Variants in TMEM17 observed in about 807,000 individuals in gnomAD.
The protein encoded by TMEM17 is transmembrane protein 17.
A neutral mutation model predicts 19.1 loss-of-function variants in TMEM17; 15 were observed. The observed-to-expected ratio is 0.78, with a 90% CI of 0.52 to 1.21. The LOEUF (loss-of-function observed/expected upper bound fraction) is 1.21. Ranked by LOEUF, TMEM17 falls within the 50% of genes most tolerant of loss-of-function variation. The pLI, the probability that TMEM17 is intolerant of heterozygous loss-of-function variation, is 0.00. For synonymous variants in TMEM17, 103 were observed against 86.9 expected (o/e 1.19, Z -1.03); for missense variants, 245 against 242.3 (o/e 1.01, Z -0.07).
chr2:62,505,990 C>T, intron 1 of TMEM17, 40 bp downstream of exon 1: 4 of 1,550,004 alleles, frequency 2.6e-6, no homozygotes, highest in East Asian at 4.8e-5. Flanking sequence ...GCCAAGCCCT[C>T]GGCAGGCCAC....
chr2:62,502,691 C>T lies in TMEM17; in HGVS notation c.204G>A (p.Lys68=), dbSNP rs1314372174. The part of the protein sequence containing the change: ...WVSSIMMLHM[K]YSILPDYYKF... ...CAAAAGTATTAAAGCTTAGATTTAC[C>T]TTCATGTGAAGCATCATAATGCTGC... The change falls in exon 2 of 4, where the codon AAG becomes AAA. Residue 68 remains lysine (K), a splice_region_variant and synonymous_variant. Coordinates refer to ENST00000335390, the MANE Select transcript of TMEM17 (RefSeq NM_198276.3). 2 of 1,590,118 alleles carry T rather than the reference C, an allele frequency of 1.3e-6. No homozygotes were observed. Among genetic ancestry groups the T allele is most frequent in the Non-Finnish European group, 1.7e-6 (2 of 1,171,062 alleles).
the TMEM17 span, among the ~76,000 whole-genome samples, chr2:62,457,392 G>T: frequency 6.6e-6 from 1 of 152,168 alleles, no homozygotes; most frequent in East Asian, 1.9e-4. The surrounding 1 kb of genome is among the most constrained non-coding windows in gnomAD (Gnocchi z 4.2). Context: ...CCTGGAGGAA[G>T]GGCTGGGTGC....
At chr2:62,505,937 G>A (rs1446874718) in intron 1 of TMEM17, 93 bp downstream of exon 1, 15 of 1,195,798 alleles carry the variant, frequency 1.3e-5, no homozygotes, top group East Asian at 2.8e-5. Flanking sequence ...AGGCGACATC[G>A]CCATTTTAGG....
the TMEM17 span, among the ~76,000 whole-genome samples, chr2:62,494,715 C>T: frequency 6.6e-6 from 1 of 152,118 alleles, no homozygotes; most frequent in Admixed American, 6.5e-5. Flanking sequence ...TAAAAGTCTA[C>T]ATTTTTGGCC....
At chr2:62,488,110 A>C in the TMEM17 span, among the ~76,000 whole-genome samples, 15 of 152,136 alleles carry the variant, frequency 9.9e-5, no homozygotes, top group African/African-American at 3.4e-4. Flanking sequence ...GGATGTGGGG[A>C]AAGTATGACT....
At chr2:62,470,067 GCTCCTTCCTTCAGGTCTTGGA>G in the TMEM17 span, among the ~76,000 whole-genome samples, 1 of 152,190 alleles carries the variant, frequency 6.6e-6, no homozygotes, top group Non-Finnish European at 1.5e-5. Context: ...CCAGCAAGCT[GCTCCTTCCTTCAGGTCTTGGA>G]GCTCTAAGAA....
chr2:62,501,047 TA>T lies in TMEM17; in HGVS notation c.*161del. 1 of 735,624 alleles carries T rather than the reference TA, an allele frequency of 1.4e-6. No individual in the cohort carries two copies. Among genetic ancestry groups the T allele is most frequent in the South Asian group, 2.1e-5 (1 of 46,970 alleles). 45.6% of individuals were successfully genotyped at this position (735,624 alleles called of 1,614,324 possible). A position where few individuals can be genotyped will look rare whatever the true frequency, so the allele number is the denominator to read the frequency against. On this transcript the variant is annotated 3_prime_UTR_variant, in exon 4 of 4. Coordinates refer to ENST00000335390, the MANE Select transcript of TMEM17 (RefSeq NM_198276.3). ...TTTAGGGTTAATATACTGTTTCATA[TA>T]CTGTACAAAGTTTCATCATTGCCCC...
chr2:62,501,086 T>A lies in TMEM17; in HGVS notation c.*123A>T. On this transcript the variant is annotated 3_prime_UTR_variant, in exon 4 of 4. Coordinates refer to ENST00000335390, the MANE Select transcript of TMEM17 (RefSeq NM_198276.3). ...TCATCATTGCCCCCAACCTTGGAAT[T>A]TCAGAGTGAGAGCATATACAATTCA... 3 of 1,144,684 alleles carry A rather than the reference T, an allele frequency of 2.6e-6. No homozygotes were observed. The highest frequency in any genetic ancestry group is 3.2e-5 in the South Asian group (2 of 61,962). The allele number at this position is 1,144,684 out of a possible 1,614,324, so 70.9% of individuals were successfully genotyped here. A position where few individuals can be genotyped will look rare whatever the true frequency, so the allele number is the denominator to read the frequency against.
the TMEM17 span, among the ~76,000 whole-genome samples, chr2:62,456,383 A>G: frequency 6.6e-6 from 1 of 152,336 alleles, no homozygotes; most frequent in East Asian, 1.9e-4. Context: ...CAAAGCCAGC[A>G]GCATAGCATT....
At chr2:62,465,996 CAGT>C in the TMEM17 span, among the ~76,000 whole-genome samples, 1 of 152,072 alleles carries the variant, frequency 6.6e-6, no homozygotes, top group African/African-American at 2.4e-5. Flanking sequence ...TGGAGAAAGG[CAGT>C]AGGAAGTACC....
chr2:62,475,866 G>A, the TMEM17 span, among the ~76,000 whole-genome samples: 1 of 152,236 alleles, frequency 6.6e-6, no homozygotes, highest in Admixed American at 6.5e-5. Flanking sequence ...GAACAGCAGA[G>A]AACAATTAAT....
the TMEM17 span, among the ~76,000 whole-genome samples, chr2:62,490,323 G>C: frequency 1.7e-4 from 26 of 152,130 alleles, no homozygotes; most frequent in African/African-American, 6.3e-4. Flanking sequence ...GAGTGCGGTG[G>C]CACAATCCTG....
chr2:62,476,183 C>T, the TMEM17 span, among the ~76,000 whole-genome samples: 1 of 151,700 alleles, frequency 6.6e-6, no homozygotes, highest in Non-Finnish European at 1.5e-5. Flanking sequence ...GAATATAGGG[C>T]ACAAAAATGC....
chr2:62,482,621 G>A, the TMEM17 span, among the ~76,000 whole-genome samples: 1 of 152,164 alleles, frequency 6.6e-6, no homozygotes, highest in Non-Finnish European at 1.5e-5. Flanking sequence ...CTTGACCCAG[G>A]CTGGGTCAAA....
At chr2:62,470,983 T>G in the TMEM17 span, among the ~76,000 whole-genome samples, 3 of 152,308 alleles carry the variant, frequency 2.0e-5, no homozygotes, top group African/African-American at 7.2e-5. Flanking sequence ...GGCTACAGGC[T>G]GCTGCTTCTC....
the TMEM17 span, among the ~76,000 whole-genome samples, chr2:62,484,786 A>C: frequency 8.8e-4 from 133 of 151,876 alleles, no homozygotes; most frequent in African/African-American, 2.9e-3. Flanking sequence ...TCCTGTTTTT[A>C]CTCCTGTTTT....
At chr2:62,454,758 C>T in the TMEM17 span, among the ~76,000 whole-genome samples, 1 of 152,166 alleles carries the variant, frequency 6.6e-6, no homozygotes, top group Non-Finnish European at 1.5e-5. Context: ...GGCTGGAGTG[C>T]AGTGGCACGA....
At chr2:62,477,452 C>T in the TMEM17 span, among the ~76,000 whole-genome samples, 1 of 152,162 alleles carries the variant, frequency 6.6e-6, no homozygotes, top group Admixed American at 6.5e-5. Context: ...CCAGAAGAGG[C>T]ATTCATCTGC....
the TMEM17 span, among the ~76,000 whole-genome samples, chr2:62,473,557 C>T: frequency 0.13 from 20,321 of 152,250 alleles, 1,619 homozygotes; most frequent in Middle Eastern, 0.23. Context: ...CCACTCCCTG[C>T]TTCAGCTGCT....
Sources: gnomAD v4.1 joint callset for allele counts (sites outside exome capture counted in the v4.1 genomes callset) on GRCh38, gnomAD v4.1.1 for gene constraint, Gnocchi (gnomAD v3.1) non-coding constraint, MANE v1.5 for transcripts, NCBI Gene and HGNC (gene_info 2026-07-23, HGNC 2026-07-21) for gene names.